The following PLXNA2 variants were observed in gnomAD, a reference collection of about 807,000 sequenced individuals.
PLXNA2 encodes the protein plexin A2, also known as plexin-A2.
Under a neutral mutation model 193.5 loss-of-function variants are expected in PLXNA2, and 91 were observed. The observed-to-expected ratio is 0.47, with a 90% CI of 0.40 to 0.56. The LOEUF (loss-of-function observed/expected upper bound fraction) is 0.56, where lower values mean the gene tolerates loss of function less well. PLXNA2 is among the 20% of genes least tolerant of loss of function. The pLI is 0.00. For missense variants in PLXNA2, 1,995 were observed against 2,503.2 expected, an observed-to-expected ratio of 0.80 and a Z score of 4.33; for synonymous variants, 997 against 1,027.3, an observed-to-expected ratio of 0.97 and a Z score of 0.56.
chr1:208,102,714 C>A (rs1427005583), intron 5 of PLXNA2, among the ~76,000 whole-genome samples: 4 of 152,198 alleles, frequency 2.6e-5, no homozygotes, highest in Non-Finnish European at 5.9e-5. Context: ...GTCAGGGGAC[C>A]CATCCAGGGT....
chr1:208,237,801 T>C (rs113159778), intron 1 of PLXNA2, among the ~76,000 whole-genome samples: 69 of 152,274 alleles, frequency 4.5e-4, no homozygotes, highest in African/African-American at 1.4e-3. Flanking sequence ...CTAAAGGTAT[T>C]TGGGGGTACT....
intron 12 of PLXNA2, among the ~76,000 whole-genome samples, chr1:208,071,907 T>G (rs1665990489): frequency 6.6e-6 from 1 of 152,202 alleles, no homozygotes; most frequent in African/African-American, 2.4e-5. Context: ...CTGCAGAGAT[T>G]TGGTGCAGCC....
intron 3 of PLXNA2, among the ~76,000 whole-genome samples, chr1:208,167,817 G>A (rs1341268246): frequency 2.0e-5 from 3 of 152,110 alleles, no homozygotes; most frequent in Non-Finnish European, 4.4e-5. Context: ...GATCCCTGTC[G>A]TTGAAACCCC....
intron 6 of PLXNA2, among the ~76,000 whole-genome samples, chr1:208,097,687 C>T (rs1489954987): frequency 1.3e-5 from 2 of 152,124 alleles, no homozygotes; most frequent in Non-Finnish European, 2.9e-5. Context: ...AAATCCATTG[C>T]ACTTTTAAAT....
At chr1:208,197,528 A>G (rs754821897) in intron 3 of PLXNA2, among the ~76,000 whole-genome samples, 2 of 152,238 alleles carry the variant, frequency 1.3e-5, no homozygotes, top group Non-Finnish European at 2.9e-5. Context: ...TCTGTGGCCC[A>G]GGGAGCTCTC....
intron 3 of PLXNA2, among the ~76,000 whole-genome samples, chr1:208,175,910 G>A (rs989960806): frequency 2.0e-5 from 3 of 152,186 alleles, no homozygotes; most frequent in African/African-American, 7.2e-5. Context: ...GTTGGACACG[G>A]GCCGGCTTCC....
chr1:208,037,523 T>A (rs541903746), intron 26 of PLXNA2, among the ~76,000 whole-genome samples: 2 of 152,256 alleles, frequency 1.3e-5, no homozygotes, highest in African/African-American at 4.8e-5. Flanking sequence ...ATCCCACGGG[T>A]CTTGCAGCCT....
intron 3 of PLXNA2, among the ~76,000 whole-genome samples, chr1:208,190,513 T>C (rs1306819216): frequency 6.6e-6 from 1 of 152,224 alleles, no homozygotes; most frequent in Non-Finnish European, 1.5e-5. Context: ...TCCAGAAATG[T>C]TGGTTGCCTT....
At chr1:208,218,749 C>G (rs143917516) in intron 1 of PLXNA2, among the ~76,000 whole-genome samples, 1 of 152,208 alleles carries the variant, frequency 6.6e-6, no homozygotes, top group Non-Finnish European at 1.5e-5. Flanking sequence ...GAAAAGCCCT[C>G]GGGAGACAGG....
At chr1:208,027,530 T>C (rs1170211931) in intron 31 of PLXNA2, among the ~76,000 whole-genome samples, 192 bp from the exon 32 acceptor site, 2 of 152,178 alleles carry the variant, frequency 1.3e-5, no homozygotes, top group African/African-American at 4.8e-5. Flanking sequence ...ATGTATGGTG[T>C]TTCAAACATT....
chr1:208,176,675 A>G (rs1002680988), intron 3 of PLXNA2, among the ~76,000 whole-genome samples: 10 of 152,244 alleles, frequency 6.6e-5, no homozygotes, highest in South Asian at 2.1e-4. Context: ...GTGTCTGTTC[A>G]TGTAGCCCAT....
At position 208,045,001 on chromosome 1, in the gene PLXNA2, C is replaced by T. The variant is rs1433532843; in HGVS notation, c.3639+66G>A. ...GCAACGAGACAGAAGAGAGCCTTTC[C>T]TTAGGACAGATCACACATGCACCAC... On this transcript the variant is annotated intron_variant, in intron 19 of 31. Transcript: ENST00000367033. The T allele has an allele frequency of 7.5e-6, 12 of 1,593,290 alleles. No homozygotes were observed. In the East Asian group the frequency reaches 2.5e-4, roughly 33 times the overall value.
At chr1:208,074,300 T>A (rs1666073003) in intron 12 of PLXNA2, among the ~76,000 whole-genome samples, 1 of 152,114 alleles carries the variant, frequency 6.6e-6, no homozygotes, top group Admixed American at 6.5e-5. Flanking sequence ...GGGCCAGCCA[T>A]CTCATGGGCT....
At chr1:208,040,332 T>C (rs1409141936) in intron 22 of PLXNA2, 3 of 485,016 alleles carry the variant, frequency 6.2e-6, no homozygotes, top group African/African-American at 2.0e-5. Flanking sequence ...TTTGGCTGCA[T>C]CTGAGACAGG....
intron 4 of PLXNA2, among the ~76,000 whole-genome samples, chr1:208,118,408 G>C (rs552891322): frequency 1.3e-5 from 2 of 152,320 alleles, no homozygotes; most frequent in South Asian, 4.1e-4. Context: ...CCCTCTTCCA[G>C]GAGATGCAAG....
chr1:208,100,937 C>G (rs190852068), intron 5 of PLXNA2, among the ~76,000 whole-genome samples: 127 of 152,332 alleles, frequency 8.3e-4, no homozygotes, highest in African/African-American at 2.9e-3. Context: ...CATCGGGACA[C>G]TAGTGATTCC....
rs902870002 is a variant in PLXNA2 at position 208,143,095 on chromosome 1, C to T, written c.1372-632G>A. On this transcript the variant is annotated intron_variant, in intron 3 of 31. Transcript: ENST00000367033. Reference sequence around the variant, plus strand: ...AAGTCAGAAAGGACTGAGATGTCATCTAGTCCAGTGCTTCTCAGCCCTGGC... The same window carrying T: ...AAGTCAGAAAGGACTGAGATGTCATTTAGTCCAGTGCTTCTCAGCCCTGGC... Among the ~76,000 whole-genome samples, 9 of 152,346 alleles carry T rather than the reference C, an allele frequency of 5.9e-5. No homozygotes were observed. The East Asian group carries it at 1.7e-3, about 29-fold the overall frequency.
intron 14 of PLXNA2, 97 bp downstream of exon 14, chr1:208,054,324 C>A: frequency 2.6e-6 from 2 of 775,552 alleles, no homozygotes; most frequent in Non-Finnish European, 4.5e-6. Context: ...TGCAAGAAGC[C>A]TGGTGGTGGA....
intron 6 of PLXNA2, among the ~76,000 whole-genome samples, chr1:208,098,095 T>C (rs1208733683): frequency 6.6e-6 from 1 of 152,168 alleles, no homozygotes; most frequent in Admixed American, 6.5e-5. Flanking sequence ...AACCTTTCCA[T>C]ACATTTGTTT....
Sources: allele counts gnomAD v4.1 joint callset (sites outside exome capture counted in the v4.1 genomes callset), GRCh38; gene constraint gnomAD v4.1.1; transcripts MANE v1.5; gene names NCBI Gene and HGNC (gene_info 2026-07-23, HGNC 2026-07-21).